The following NALCN variants were observed in gnomAD, a reference collection of about 807,000 sequenced individuals.
The protein encoded by NALCN is sodium leak channel NALCN.
In NALCN, 111 loss-of-function variants were observed where a neutral mutation model predicts 225.3. The observed-to-expected ratio is 0.49, with a 90% confidence interval of 0.42 to 0.58. The LOEUF is 0.58. NALCN is among the 20% of genes least tolerant of loss of function. The pLI is 0.00. For synonymous variants in NALCN, 764 were observed against 769.0 expected, an observed-to-expected ratio of 0.99 and a Z score of 0.11; for missense variants, 1,378 against 2,202.4, an observed-to-expected ratio of 0.63 and a Z score of 7.49.
chr13:101,175,571 C>T (rs938613006), intron 15 of NALCN, among the ~76,000 whole-genome samples: 13 of 152,126 alleles, frequency 8.5e-5, no homozygotes, highest in African/African-American at 3.1e-4. Context: ...ACTATTCTCT[C>T]AGTTTTGGGG....
intron 13 of NALCN, among the ~76,000 whole-genome samples, chr13:101,206,250 G>A (rs2040306966): frequency 6.6e-6 from 1 of 151,904 alleles, no homozygotes; most frequent in Non-Finnish European, 1.5e-5. Flanking sequence ...AAAGTAACCT[G>A]TGTAATCAAC....
rs2035021460 is a variant in NALCN at position 101,104,972 on chromosome 13, AAATTCTG to A, written c.2580-29_2580-23del. The A allele has an allele frequency of 6.2e-7, 1 of 1,606,010 alleles. No homozygotes were observed. Among genetic ancestry groups the A allele is most frequent in the Non-Finnish European group, 8.5e-7 (1 of 1,174,328 alleles). ...AGATCTGTAAGAGAACACATATATA[AAATTCTG>A]CAACAAAGCAAGCATGTTTTAACTT... On this transcript the variant is annotated intron_variant, in intron 22 of 43. Coordinates refer to ENST00000251127, the MANE Select transcript of NALCN (RefSeq NM_052867.4). This position sits in a 1 kb window ranked among gnomAD's most constrained non-coding sequence, Gnocchi z 4.2.
At chr13:101,290,717 A>T (rs2043521408) in intron 9 of NALCN, among the ~76,000 whole-genome samples, 1 of 152,232 alleles carries the variant, frequency 6.6e-6, no homozygotes, top group Admixed American at 6.5e-5. Context: ...TTGCATTTTA[A>T]CAAATAATTA....
intron 14 of NALCN, among the ~76,000 whole-genome samples, chr13:101,189,783 T>C (rs2039608523): frequency 6.6e-6 from 1 of 152,204 alleles, no homozygotes; most frequent in Non-Finnish European, 1.5e-5. Context: ...CTTATAACTG[T>C]TGTTTGAAAA....
chr13:101,227,349 A>G (rs2041183533), intron 13 of NALCN, among the ~76,000 whole-genome samples: 1 of 152,100 alleles, frequency 6.6e-6, no homozygotes, highest in Non-Finnish European at 1.5e-5. Flanking sequence ...GCAATAACTC[A>G]AGCATACCCC....
chr13:101,352,243 T>C (rs904399323), intron 6 of NALCN, among the ~76,000 whole-genome samples: 1 of 152,204 alleles, frequency 6.6e-6, no homozygotes, highest in East Asian at 1.9e-4. Context: ...GAGCTATCTA[T>C]ATGCTCCTGA....
At chr13:101,207,003 T>C (rs1251785649) in intron 13 of NALCN, among the ~76,000 whole-genome samples, 1 of 152,112 alleles carries the variant, frequency 6.6e-6, no homozygotes, top group African/African-American at 2.4e-5. Flanking sequence ...TCTACTATGG[T>C]TGGACAGAAA....
chr13:101,317,043 A>G (rs1346320778), intron 7 of NALCN, among the ~76,000 whole-genome samples: 1 of 152,128 alleles, frequency 6.6e-6, no homozygotes, highest in Non-Finnish European at 1.5e-5. Context: ...ACAGTGTTCA[A>G]TATATTTTTT....
At chr13:101,149,919 G>A (rs1388560233) in intron 15 of NALCN, among the ~76,000 whole-genome samples, 1 of 152,228 alleles carries the variant, frequency 6.6e-6, no homozygotes, top group African/African-American at 2.4e-5. Context: ...GTGCGTGCCT[G>A]CAAGAACTGC....
intron 27 of NALCN, 23 bp from the exon 28 acceptor site, chr13:101,095,703 G>C: frequency 6.4e-7 from 1 of 1,568,566 alleles, no homozygotes; most frequent in Non-Finnish European, 8.7e-7. Flanking sequence ...AACAAGAGGA[G>C]AGGGGAAACC....
chr13:101,384,693 T>C (rs1162844811), intron 3 of NALCN, among the ~76,000 whole-genome samples: 3 of 152,170 alleles, frequency 2.0e-5, no homozygotes, highest in Non-Finnish European at 4.4e-5. Flanking sequence ...CTGCAATGCA[T>C]GAAGTGCTCT....
intron 38 of NALCN, 90 bp downstream of exon 38, chr13:101,068,605 A>G: frequency 7.6e-7 from 1 of 1,311,600 alleles, no homozygotes; most frequent in Non-Finnish European, 9.9e-7. Flanking sequence ...ACCCACCCCA[A>G]GAAATCCAGG....
rs527404830 is a variant in NALCN, at chr13:101,098,929, C to T, written c.3162+1855G>A. ...TTAGGCTTTCCATCTGAGCCTCGCA[C>T]AGACCTCACTGCTCTAGGAAACAGG... On this transcript the variant is annotated intron_variant, in intron 27 of 43. Transcript: ENST00000251127. 2.9e-4 allele frequency among the ~76,000 whole-genome samples: 44 copies of T among 152,100 alleles called. 1 individual carries two copies. The South Asian group carries it at 8.9e-3, about 31-fold the overall frequency.
At chr13:101,065,808 T>C (rs1450473139) in intron 39 of NALCN, among the ~76,000 whole-genome samples, 1 of 152,110 alleles carries the variant, frequency 6.6e-6, no homozygotes, top group Non-Finnish European at 1.5e-5. Context: ...ATTGCAGCAT[T>C]TGGAGTGAGG....
rs1387865084 is a variant in NALCN, at chr13:101,074,547, A to C, written c.4070T>G (p.Phe1357Cys). 35 of 1,613,338 alleles carry C rather than the reference A, an allele frequency of 2.2e-5. No individual in the cohort carries two copies. Among genetic ancestry groups the C allele is most frequent in the Non-Finnish European group, 2.9e-5 (34 of 1,179,870 alleles). Residue 1357 changes from phenylalanine (F) to cysteine (C), a missense_variant, in exon 36 of 44, where the codon TTT becomes TGT. Around this residue, in one of 19 missense-constraint regions of NALCN, gnomAD observed 76 missense variants for 118.7 expected, o/e 0.64. Coordinates refer to ENST00000251127, the MANE Select transcript of NALCN (RefSeq NM_052867.4). ...ATTCTCCCCATATTTCACAGTACCA[A>C]ATAAAACAACTCCAGCAAAAGCGTA... ...LCYAFAGVVL[F>C]GTVKYGENIN...
chr13:101,210,892 A>C (rs1040428967), intron 13 of NALCN, among the ~76,000 whole-genome samples: 1 of 152,198 alleles, frequency 6.6e-6, no homozygotes, highest in Non-Finnish European at 1.5e-5. Flanking sequence ...TATTGATAGG[A>C]AATTGTGGGT....
chr13:101,306,875 A>G (rs1367014177), intron 7 of NALCN, among the ~76,000 whole-genome samples: 1 of 152,082 alleles, frequency 6.6e-6, no homozygotes, highest in Non-Finnish European at 1.5e-5. Context: ...CTTTGTGTGG[A>G]GGAAGTTCAG....
At chr13:101,276,119 G>A (rs989928146) in intron 10 of NALCN, among the ~76,000 whole-genome samples, 7 of 145,184 alleles carry the variant, frequency 4.8e-5, no homozygotes, top group Middle Eastern at 3.6e-3. Context: ...GCCCCTAAGT[G>A]ACAAGCACAT....
intron 7 of NALCN, among the ~76,000 whole-genome samples, chr13:101,334,573 G>T (rs763612805): frequency 1.1e-4 from 16 of 152,090 alleles, no homozygotes; most frequent in Non-Finnish European, 1.8e-4. Context: ...TATTGAAAAA[G>T]AATACCTTGT....
Sources: gnomAD v4.1 joint callset for allele counts (sites outside exome capture counted in the v4.1 genomes callset) on GRCh38, gnomAD v4.1.1 for gene constraint, gnomAD v4.1.1 regional missense constraint, Gnocchi (gnomAD v3.1) non-coding constraint, MANE v1.5 for transcripts, NCBI Gene and HGNC (gene_info 2026-07-23, HGNC 2026-07-21) for gene names.